Variants in MCTP2 observed in about 807,000 individuals in gnomAD.
The protein encoded by MCTP2 is multiple C2 and transmembrane domain-containing protein 2.
In MCTP2, 132 loss-of-function variants were observed where a neutral mutation model predicts 111.6. That is an observed-to-expected ratio of 1.18 (90% CI 1.03 to 1.37). The LOEUF is 1.37. Ranked by LOEUF, MCTP2 falls within the 40% of genes most tolerant of loss-of-function variation. The probability of loss-of-function intolerance (pLI) is 0.00; values close to 1 mark genes in which losing one functional copy is unlikely to be tolerated. For missense variants in MCTP2, 1,183 were observed against 1,067.9 expected (o/e 1.11, Z -1.50); for synonymous variants, 395 against 387.7 (o/e 1.02, Z -0.22).
At chr15:94,404,312 T>C (rs1471942068) in intron 17 of MCTP2, among the ~76,000 whole-genome samples, 2 of 150,488 alleles carry the variant, frequency 1.3e-5, no homozygotes, top group African/African-American at 4.9e-5. Flanking sequence ...TTGTTTTTTT[T>C]TTTTTTTGTG....
At chr15:94,471,050 T>C (rs1169615372) in intron 21 of MCTP2, among the ~76,000 whole-genome samples, 1 of 152,160 alleles carries the variant, frequency 6.6e-6, no homozygotes, top group Non-Finnish European at 1.5e-5. Flanking sequence ...ACTGGCAAAC[T>C]GGAAATAAAT....
chr15:94,353,059 A>G (rs2078395769), intron 8 of MCTP2, among the ~76,000 whole-genome samples: 3 of 152,200 alleles, frequency 2.0e-5, no homozygotes, highest in South Asian at 4.1e-4. Context: ...GTTCTTTTCT[A>G]TCTGTGAACT....
intron 14 of MCTP2, among the ~76,000 whole-genome samples, chr15:94,390,089 T>TATATAC (rs1567602819): frequency 1.5e-4 from 2 of 13,606 alleles, no homozygotes; most frequent in African/African-American, 3.0e-4. Context: ...TATATATATA[T>TATATAC]GTATATATAT....
At chr15:94,443,996 A>AC (rs959328025) in intron 19 of MCTP2, among the ~76,000 whole-genome samples, 14 of 149,804 alleles carry the variant, frequency 9.3e-5, no homozygotes, top group Non-Finnish European at 1.9e-4. Flanking sequence ...AAAAAAAAAA[A>AC]AAAAAAAAAA....
At chr15:94,376,755 A>G (rs943244671) in intron 12 of MCTP2, among the ~76,000 whole-genome samples, 2 of 152,190 alleles carry the variant, frequency 1.3e-5, no homozygotes, top group Admixed American at 6.5e-5. Flanking sequence ...CCACTCTAAG[A>G]TGTTTCTTTT....
chr15:94,426,147 A>C (rs1238347074), intron 17 of MCTP2, among the ~76,000 whole-genome samples: 1 of 148,996 alleles, frequency 6.7e-6, no homozygotes, highest in Non-Finnish European at 1.5e-5. Context: ...AGATTGAGAG[A>C]GAGAGAGAGA....
At chr15:94,291,713 A>G (rs1427968690) in intron 1 of MCTP2, among the ~76,000 whole-genome samples, 1 of 152,232 alleles carries the variant, frequency 6.6e-6, no homozygotes, top group Non-Finnish European at 1.5e-5. Flanking sequence ...AAAAATGAAA[A>G]TGACATTTCA....
chr15:94,360,355 C>G (rs2152428198), intron 10 of MCTP2, among the ~76,000 whole-genome samples: 1 of 152,330 alleles, frequency 6.6e-6, no homozygotes, highest in Admixed American at 6.5e-5. Flanking sequence ...TCTCTCACTT[C>G]TCCACACATA....
chr15:94,466,859 G>A (rs982161813), intron 20 of MCTP2, among the ~76,000 whole-genome samples: 3 of 151,754 alleles, frequency 2.0e-5, no homozygotes, highest in African/African-American at 4.8e-5. Context: ...TCTTCGGTGT[G>A]GAATGGTATT....
intron 4 of MCTP2, among the ~76,000 whole-genome samples, chr15:94,335,807 G>C (rs1468587967): frequency 6.6e-6 from 1 of 152,186 alleles, no homozygotes; most frequent in Non-Finnish European, 1.5e-5. Flanking sequence ...AGAGCTCCAA[G>C]GAATGTTAAT....
chr15:94,298,807 C>T lies in MCTP2; in HGVS notation c.465+77C>T, dbSNP rs577629280. Reference sequence around the variant, plus strand: ...TTCCCTCTCTTTCTCCCTCTCTCCCCATCTCCCTCTCTCTTCCCCCCTCCC... The same window carrying T: ...TTCCCTCTCTTTCTCCCTCTCTCCCTATCTCCCTCTCTCTTCCCCCCTCCC... On this transcript the variant is annotated intron_variant, in intron 2 of 22. Coordinates refer to ENST00000357742, the MANE Select transcript of MCTP2 (RefSeq NM_001385001.1). The T allele has an allele frequency of 3.6e-4, 316 of 874,512 alleles. 5 individuals carry two copies. In the African/African-American group the frequency reaches 6.0e-3, roughly 17 times the overall value. 54.2% of individuals were successfully genotyped at this position (874,512 alleles called of 1,614,324 possible). A position where few individuals can be genotyped will look rare whatever the true frequency, so the allele number is the denominator to read the frequency against.
chr15:94,346,614 G>A (rs752597621), intron 8 of MCTP2, among the ~76,000 whole-genome samples: 1 of 152,130 alleles, frequency 6.6e-6, no homozygotes, highest in African/African-American at 2.4e-5. Context: ...ACTAAAACAC[G>A]GGTACTGTAC....
At chr15:94,463,819 G>A (rs2085359184) in intron 20 of MCTP2, among the ~76,000 whole-genome samples, 1 of 152,002 alleles carries the variant, frequency 6.6e-6, no homozygotes, top group African/African-American at 2.4e-5. Context: ...ATTTTCACCT[G>A]CATTCATTGA....
At chr15:94,319,037 GT>G (rs35821375) in intron 4 of MCTP2, among the ~76,000 whole-genome samples, 394 of 146,484 alleles carry the variant, frequency 2.7e-3, no homozygotes, top group African/African-American at 4.8e-3. Flanking sequence ...ATTGTTCTTG[GT>G]TTTTTTTTTT....
At chr15:94,384,493 A>G (rs945592537) in intron 13 of MCTP2, among the ~76,000 whole-genome samples, 1 of 152,214 alleles carries the variant, frequency 6.6e-6, no homozygotes, top group Non-Finnish European at 1.5e-5. Context: ...AGGAAAATAC[A>G]GATTATCTGT....
intron 2 of MCTP2, among the ~76,000 whole-genome samples, chr15:94,305,806 C>T (rs1457731993): frequency 1.3e-5 from 2 of 152,088 alleles, no homozygotes; most frequent in African/African-American, 4.8e-5. Context: ...AGTTTCTAAG[C>T]ATCAGATGAA....
intron 4 of MCTP2, among the ~76,000 whole-genome samples, chr15:94,332,970 T>C (rs1373167171): frequency 6.6e-6 from 1 of 152,156 alleles, no homozygotes; most frequent in Non-Finnish European, 1.5e-5. Flanking sequence ...ATATTTAAAT[T>C]ACATGCCTGT....
At chr15:94,236,087 A>T (rs1230376697) in intron 1 of MCTP2, among the ~76,000 whole-genome samples, 2 of 152,166 alleles carry the variant, frequency 1.3e-5, no homozygotes, top group African/African-American at 2.4e-5. Context: ...CATTTCCCAT[A>T]GCGTCATGAT....
intron 20 of MCTP2, among the ~76,000 whole-genome samples, chr15:94,466,854 G>C (rs76313212): frequency 5.3e-5 from 8 of 151,594 alleles, no homozygotes; most frequent in South Asian, 2.1e-4. Flanking sequence ...CTTTCTCTTC[G>C]GTGTGGAATG....
Sources: allele counts gnomAD v4.1 joint callset (sites outside exome capture counted in the v4.1 genomes callset), GRCh38; gene constraint gnomAD v4.1.1; transcripts MANE v1.5; gene names NCBI Gene and HGNC (gene_info 2026-07-23, HGNC 2026-07-21).